Variants in AFF2 observed in about 807,000 individuals in gnomAD.
The protein encoded by AFF2 is ALF transcription elongation factor 2.
Under a neutral mutation model 76.9 loss-of-function variants are expected in AFF2, and 14 were observed. That is an observed-to-expected ratio of 0.18 (90% CI 0.12 to 0.28). The LOEUF is 0.28. Among genes scored for constraint, AFF2 ranks in the 10% least tolerant of loss-of-function variants. The pLI is 1.00. For synonymous variants in AFF2, 398 were observed against 366.7 expected, an observed-to-expected ratio of 1.09 and a Z score of -0.98; for missense variants, 868 against 1,001.1, an observed-to-expected ratio of 0.87 and a Z score of 1.79.
chrX:148,881,579 C>T (rs1557278494), intron 7 of AFF2, among the ~76,000 whole-genome samples: 1 of 111,420 alleles, frequency 9.0e-6, no homozygotes, highest in African/African-American at 3.3e-5. Flanking sequence ...GGATTTAGGC[C>T]ATTTCTAGAA....
intron 3 of AFF2, among the ~76,000 whole-genome samples, chrX:148,804,686 T>C (rs782311058): frequency 1.6e-4 from 18 of 112,675 alleles, no homozygotes; most frequent in Non-Finnish European, 3.0e-4. Flanking sequence ...AATTGGAAGA[T>C]GAGCTGGTTA....
chrX:148,958,441 G>A lies in AFF2; in HGVS notation c.2673G>A (p.Lys891=), dbSNP rs1557287635. ...GCATCTCACCAGCCCCACCCCACAAGCCTCCCAACACTAGAGAGTGAGTTT... is the reference window on the plus strand; with the variant it reads ...GCATCTCACCAGCCCCACCCCACAAACCTCCCAACACTAGAGAGTGAGTTT... ...PPCISPAPPH[K]PPNTRENNSS... The change falls in exon 12 of 21, where the codon AAG becomes AAA. Residue 891 remains lysine (K), a synonymous_variant. Coordinates refer to ENST00000370460, the MANE Select transcript of AFF2 (RefSeq NM_002025.4). 1 of 1,210,394 alleles carries A rather than the reference G, an allele frequency of 8.3e-7. No individual in the cohort carries two copies. The highest frequency in any genetic ancestry group is 1.1e-6 in the Non-Finnish European group (1 of 894,881).
intron 12 of AFF2, among the ~76,000 whole-genome samples, chrX:148,961,113 T>C (rs2078203143): frequency 8.9e-6 from 1 of 112,024 alleles, no homozygotes; most frequent in Non-Finnish European, 1.9e-5. Context: ...ATGACTGTAG[T>C]TGCCAATGGC....
intron 1 of AFF2, among the ~76,000 whole-genome samples, chrX:148,564,753 C>A (rs1196664170): frequency 8.9e-6 from 1 of 111,873 alleles, no homozygotes; most frequent in Non-Finnish European, 1.9e-5. Flanking sequence ...AGGCTGAATT[C>A]ATACCTTCCT....
At chrX:148,976,428 T>A (rs1044386634) in intron 16 of AFF2, among the ~76,000 whole-genome samples, 1 of 112,533 alleles carries the variant, frequency 8.9e-6, no homozygotes, top group Non-Finnish European at 1.9e-5. Context: ...TTACTTTTTT[T>A]ATACTTTCTG....
chrX:148,700,893 A>C (rs1557261773), intron 3 of AFF2, among the ~76,000 whole-genome samples: 1 of 111,141 alleles, frequency 9.0e-6, no homozygotes, highest in Non-Finnish European at 1.9e-5. Flanking sequence ...ATAAGGCTCA[A>C]AATTAACTAG....
chrX:148,657,781 G>A (rs949247129), intron 2 of AFF2, among the ~76,000 whole-genome samples: 1 of 112,100 alleles, frequency 8.9e-6, no homozygotes, highest in Non-Finnish European at 1.9e-5. Flanking sequence ...ATTGAAAGAA[G>A]CATATAATTG....
rs57746948 is a variant in AFF2, at chrX:148,697,659, GAA to G, written c.1041+34901_1041+34902del. 7.9e-5 allele frequency among the ~76,000 whole-genome samples: 8 copies of G among 101,023 alleles called. No homozygotes were observed. In the South Asian group the frequency reaches 2.2e-3, roughly 28 times the overall value. The allele number at this position is 101,023 out of a possible 115,157, so 87.7% of individuals were successfully genotyped here. On this transcript the variant is annotated intron_variant, in intron 3 of 20. Transcript: ENST00000370460. ...TTTATCTAATTCCTAGTTCCCATTAGAAAAAAAAAAAGAACCAATTTAGGTAA... is the reference window on the plus strand; with the variant it reads ...TTTATCTAATTCCTAGTTCCCATTAGAAAAAAAAAGAACCAATTTAGGTAA...
intron 3 of AFF2, among the ~76,000 whole-genome samples, chrX:148,720,843 A>G (rs1169818227): frequency 1.8e-5 from 2 of 111,791 alleles, no homozygotes; most frequent in Non-Finnish European, 3.8e-5. Context: ...CATTTTTGAA[A>G]TGGGTCTAGA....
chrX:148,854,920 A>G (rs1461873542), intron 7 of AFF2, among the ~76,000 whole-genome samples: 1 of 111,141 alleles, frequency 9.0e-6, no homozygotes, highest in East Asian at 2.8e-4. Flanking sequence ...ACATTCTTAT[A>G]AAAGGATTTT....
intron 9 of AFF2, among the ~76,000 whole-genome samples, chrX:148,911,618 C>A (rs2071469959): frequency 8.9e-6 from 1 of 112,203 alleles, no homozygotes; most frequent in South Asian, 3.7e-4. Flanking sequence ...TAAGGATTCC[C>A]AAATGTGTTT....
chrX:148,868,910 G>A (rs782647223), intron 7 of AFF2, among the ~76,000 whole-genome samples: 2 of 112,386 alleles, frequency 1.8e-5, no homozygotes, highest in South Asian at 3.7e-4. Context: ...TTTAAGGGCA[G>A]AGCCCTCATG....
At chrX:148,743,054 G>A (rs2055378470) in intron 3 of AFF2, among the ~76,000 whole-genome samples, 1 of 111,962 alleles carries the variant, frequency 8.9e-6, no homozygotes, top group Non-Finnish European at 1.9e-5. Flanking sequence ...TTTCTAGCCA[G>A]CTCCTTCTGT....
chrX:148,807,353 G>A (rs1170964554), intron 3 of AFF2, among the ~76,000 whole-genome samples: 1 of 112,024 alleles, frequency 8.9e-6, no homozygotes, highest in Non-Finnish European at 1.9e-5. Context: ...ATTGGGCTTT[G>A]CGGATTACAA....
At chrX:148,514,307 C>T (rs1557233506) in intron 1 of AFF2, among the ~76,000 whole-genome samples, 1 of 112,547 alleles carries the variant, frequency 8.9e-6, no homozygotes, top group East Asian at 2.8e-4. Flanking sequence ...TTTGTCTTTC[C>T]TTTTCTTTCC....
chrX:148,937,877 T>A (rs781816040), intron 9 of AFF2, among the ~76,000 whole-genome samples: 1 of 112,563 alleles, frequency 8.9e-6, no homozygotes, highest in African/African-American at 3.2e-5. Flanking sequence ...ATAAAATTTG[T>A]ATGAAAAAGT....
chrX:148,597,248 C>T (rs1419096231), intron 1 of AFF2, among the ~76,000 whole-genome samples: 3 of 110,820 alleles, frequency 2.7e-5, no homozygotes, highest in African/African-American at 6.6e-5. Flanking sequence ...TATGAAAGGC[C>T]CTATGAGGTG....
chrX:148,514,783 G>T (rs1258583452), intron 1 of AFF2, among the ~76,000 whole-genome samples: 4 of 112,039 alleles, frequency 3.6e-5, no homozygotes, highest in African/African-American at 1.3e-4. Flanking sequence ...TGTTTTATTT[G>T]GTTCCTTGAA....
At chrX:148,614,722 TTTCTTTCTTTCC>T (rs1460050790) in intron 1 of AFF2, among the ~76,000 whole-genome samples, 20 of 82,016 alleles carry the variant, frequency 2.4e-4, no homozygotes, top group African/African-American at 9.7e-4. Context: ...TCTTTCTTTC[TTTCTTTCTTTCC>T]TTCTTTTCTT....
Sources: gnomAD v4.1 joint callset for allele counts (sites outside exome capture counted in the v4.1 genomes callset) on GRCh38, gnomAD v4.1.1 for gene constraint, MANE v1.5 for transcripts, NCBI Gene and HGNC (gene_info 2026-07-23, HGNC 2026-07-21) for gene names.